Variants in RHOT1 observed in about 807,000 individuals in gnomAD.
RHOT1 encodes mitochondrial Rho GTPase 1.
In RHOT1, 27 loss-of-function variants were observed where a neutral mutation model predicts 95.3. The observed-to-expected ratio is 0.28, with a 90% confidence interval of 0.21 to 0.39. The LOEUF is 0.39. Ranked by LOEUF, RHOT1 falls within the 10% of genes least tolerant of loss-of-function variation. The pLI, the probability that RHOT1 is intolerant of heterozygous loss-of-function variation, is 1.00. For missense variants in RHOT1, 578 were observed against 786.7 expected (o/e 0.73, Z 3.17); for synonymous variants, 227 against 263.5 (o/e 0.86, Z 1.34).
intron 1 of RHOT1, among the ~76,000 whole-genome samples, chr17:32,163,180 A>G (rs1194282346): frequency 6.6e-6 from 1 of 152,210 alleles, no homozygotes; most frequent in Admixed American, 6.5e-5. Flanking sequence ...AAGAGCATGT[A>G]AGAAAAATGG....
At chr17:32,142,777 C>A in intron 1 of RHOT1, 48 bp downstream of exon 1, 1 of 1,444,986 alleles carries the variant, frequency 6.9e-7, no homozygotes, top group Non-Finnish European at 9.2e-7. Context: ...CCCTCCCTGC[C>A]CCTGCAGCCC....
chr17:32,181,023 G>T (rs1204229442), intron 6 of RHOT1, among the ~76,000 whole-genome samples: 2 of 152,162 alleles, frequency 1.3e-5, no homozygotes, highest in African/African-American at 4.8e-5. Flanking sequence ...AACCCTCCTG[G>T]TTCTGGTAGG....
intron 16 of RHOT1, among the ~76,000 whole-genome samples, chr17:32,205,999 G>C (rs1032949209): frequency 6.6e-6 from 1 of 152,106 alleles, no homozygotes; most frequent in Non-Finnish European, 1.5e-5. Flanking sequence ...GGGAGAAAAG[G>C]TGTGGTAGAA....
chr17:32,186,450 A>G (rs892506906), intron 8 of RHOT1, among the ~76,000 whole-genome samples: 17 of 143,774 alleles, frequency 1.2e-4, no homozygotes, highest in African/African-American at 4.4e-4. Flanking sequence ...TGCAAACTTC[A>G]CCTCCTGGGT....
intron 1 of RHOT1, among the ~76,000 whole-genome samples, chr17:32,162,828 AAGG>A (rs2033686956): frequency 6.6e-6 from 1 of 152,208 alleles, no homozygotes; most frequent in Admixed American, 6.5e-5. Context: ...AAGTAGTTCA[AAGG>A]AGGAAGTGGA....
At chr17:32,143,555 G>A (rs1456576438) in intron 1 of RHOT1, among the ~76,000 whole-genome samples, 1 of 151,912 alleles carries the variant, frequency 6.6e-6, no homozygotes, top group African/African-American at 2.4e-5. Context: ...ATAACCACAG[G>A]CACACAGACA....
At chr17:32,220,476 C>T (rs1039209443) in intron 19 of RHOT1, among the ~76,000 whole-genome samples, 17 of 152,104 alleles carry the variant, frequency 1.1e-4, no homozygotes, top group South Asian at 8.3e-4. Context: ...CCTTATAACA[C>T]GTGTGAAAAA....
Position 32,199,528 on chromosome 17 carries a change from C to A in RHOT1, c.1078C>A (p.Gln360Lys). 6.2e-7 allele frequency: 1 copy of A among 1,610,096 alleles called. No individual in the cohort carries two copies. The highest frequency in any genetic ancestry group is 8.5e-7 in the Non-Finnish European group (1 of 1,179,062). The part of the protein sequence containing the change: ...CTNERGWITY[Q>K]GFLSQWTLTT... ...CAATGAAAGAGGCTGGATAACCTAC[C>A]AGGGATTCCTTTCCCAGTGGACGTG... The change falls in exon 13 of 20, where the codon CAG (glutamine) becomes AAG (lysine). Residue 360 changes from glutamine to lysine, a missense_variant. Gln to Lys is a moderately conservative substitution (Grantham distance 53). Coordinates refer to ENST00000545287, the MANE Select transcript of RHOT1 (RefSeq NM_001033566.3).
chr17:32,158,797 C>T (rs1440146928), intron 1 of RHOT1, among the ~76,000 whole-genome samples: 1 of 151,980 alleles, frequency 6.6e-6, no homozygotes, highest in East Asian at 1.9e-4. Flanking sequence ...TTGATAAATA[C>T]AGAGCTCACG....
chr17:32,215,675 T>G (rs1298189640), intron 19 of RHOT1, among the ~76,000 whole-genome samples: 1 of 152,152 alleles, frequency 6.6e-6, no homozygotes, highest in Non-Finnish European at 1.5e-5. Context: ...GAGAAAAAAA[T>G]TGTCTTTTTT....
In RHOT1 at chr17:32,175,310, C is replaced by T; in HGVS notation, c.179-9C>T. On this transcript the variant is annotated splice_polypyrimidine_tract_variant and intron_variant, in intron 3 of 19. Coordinates refer to ENST00000545287, the MANE Select transcript of RHOT1 (RefSeq NM_001033566.3). The stretch of plus-strand genomic sequence containing the variant: ...GCAATATGAAACATTGACTTCCTGT[C>T]ATTTGTAGAAGCAGAACAGAGTGAT... 6.2e-7 allele frequency: 1 copy of T among 1,612,250 alleles called. No individual in the cohort carries two copies.
At chr17:32,220,223 A>C (rs2038742142) in intron 19 of RHOT1, among the ~76,000 whole-genome samples, 1 of 152,124 alleles carries the variant, frequency 6.6e-6, no homozygotes, top group African/African-American at 2.4e-5. Context: ...TTATCCAGGC[A>C]TGATGGCACA....
intron 19 of RHOT1, among the ~76,000 whole-genome samples, chr17:32,212,268 ATTTC>A (rs1158567230): frequency 6.6e-6 from 1 of 152,208 alleles, no homozygotes; most frequent in Non-Finnish European, 1.5e-5. Flanking sequence ...CAGTGAGTTT[ATTTC>A]TTCTGTGAGT....
chr17:32,205,878 CA>C (rs2037685741), intron 16 of RHOT1, among the ~76,000 whole-genome samples: 1 of 152,130 alleles, frequency 6.6e-6, no homozygotes, highest in African/African-American at 2.4e-5. Flanking sequence ...ATCATTATAG[CA>C]TAGATGGAAT....
At chr17:32,178,531 G>A (rs889465048) in intron 6 of RHOT1, among the ~76,000 whole-genome samples, 2 of 152,048 alleles carry the variant, frequency 1.3e-5, no homozygotes, top group Non-Finnish European at 2.9e-5. Flanking sequence ...GTGGGATCTC[G>A]GCTCGCTACA....
intron 2 of RHOT1, among the ~76,000 whole-genome samples, chr17:32,173,603 C>T (rs750614476): frequency 1.1e-4 from 17 of 151,748 alleles, no homozygotes; most frequent in Non-Finnish European, 2.5e-4. Flanking sequence ...ATCCCAGCTA[C>T]TCGGGAGGCT....
intron 1 of RHOT1, chr17:32,150,389 G>T: frequency 4.7e-6 from 2 of 429,744 alleles, no homozygotes; most frequent in Non-Finnish European, 8.2e-6. Flanking sequence ...GATGCAAGAA[G>T]ACCTCTTTTC....
chr17:32,178,850 T>A (rs1475126383), intron 6 of RHOT1: 61 of 110,180 alleles, frequency 5.5e-4, no homozygotes, highest in Middle Eastern at 6.8e-3. Flanking sequence ...CCGTCTGGGA[T>A]GTGAGGAGCG....
chr17:32,185,709 CTTTT>C (rs57965854), intron 8 of RHOT1, among the ~76,000 whole-genome samples: 6 of 126,750 alleles, frequency 4.7e-5, no homozygotes, highest in Non-Finnish European at 8.4e-5. Flanking sequence ...TGCCCGGCCT[CTTTT>C]TTTTTTTTTT....
Sources: gnomAD v4.1 joint callset for allele counts (sites outside exome capture counted in the v4.1 genomes callset) on GRCh38, gnomAD v4.1.1 for gene constraint, MANE v1.5 for transcripts, NCBI Gene and HGNC (gene_info 2026-07-23, HGNC 2026-07-21) for gene names.